ADAMTS12: variants seen among roughly 807,000 people sequenced by gnomAD.
ADAMTS12 encodes the protein ADAM metallopeptidase with thrombospondin type 1 motif 12.
Under a neutral mutation model 167.8 loss-of-function variants are expected in ADAMTS12, and 118 were observed. That is an observed-to-expected ratio of 0.70 (90% CI 0.61 to 0.82). The LOEUF is 0.82. ADAMTS12 is among the 40% of genes least tolerant of loss of function. ADAMTS12 has a pLI of 0.00. For synonymous variants in ADAMTS12, 704 were observed against 716.9 expected (o/e 0.98, Z 0.29); for missense variants, 1,916 against 1,998.8 (o/e 0.96, Z 0.79).
chr5:33,605,536 A>G (rs187600224), intron 16 of ADAMTS12, among the ~76,000 whole-genome samples: 5 of 152,362 alleles, frequency 3.3e-5, no homozygotes. Flanking sequence ...GTGAGGGTAA[A>G]TTCTAGATAG....
At chr5:33,544,187 C>T (rs1561113891) in intron 22 of ADAMTS12, among the ~76,000 whole-genome samples, 1 of 152,104 alleles carries the variant, frequency 6.6e-6, no homozygotes, top group Non-Finnish European at 1.5e-5. Flanking sequence ...AATCAATGTG[C>T]AAAAATCACA....
At chr5:33,718,971 G>C (rs1743709419) in intron 3 of ADAMTS12, among the ~76,000 whole-genome samples, 1 of 152,184 alleles carries the variant, frequency 6.6e-6, no homozygotes, top group Non-Finnish European at 1.5e-5. Context: ...GCAAAAGTAA[G>C]AAAGTCTCTG....
At chr5:33,692,198 A>G (rs1355574303) in intron 3 of ADAMTS12, among the ~76,000 whole-genome samples, 1 of 152,320 alleles carries the variant, frequency 6.6e-6, no homozygotes. Flanking sequence ...ATTCTGACCA[A>G]TAAGACACAA....
chr5:33,569,036 T>TG (rs1278330796), intron 19 of ADAMTS12, among the ~76,000 whole-genome samples: 5 of 152,126 alleles, frequency 3.3e-5, no homozygotes, highest in Admixed American at 1.3e-4. Context: ...GCAGCAAGGC[T>TG]GGGGGAGGGG....
intron 1 of ADAMTS12, among the ~76,000 whole-genome samples, chr5:33,884,515 C>G (rs1315435952): frequency 6.6e-6 from 1 of 152,198 alleles, no homozygotes; most frequent in Non-Finnish European, 1.5e-5. Context: ...AAGCCCATAG[C>G]AAACCCTCAA....
intron 2 of ADAMTS12, among the ~76,000 whole-genome samples, chr5:33,804,260 T>A (rs542673503): frequency 6.6e-6 from 1 of 152,354 alleles, no homozygotes; most frequent in African/African-American, 2.4e-5. Context: ...CCCTTGACTT[T>A]GGGCTCATCT....
At chr5:33,814,793 T>C (rs897826215) in intron 2 of ADAMTS12, among the ~76,000 whole-genome samples, 1 of 152,194 alleles carries the variant, frequency 6.6e-6, no homozygotes, top group African/African-American at 2.4e-5. Flanking sequence ...GTGACAATGA[T>C]AAGTCAACTC....
At chr5:33,696,136 T>A (rs1470057914) in intron 3 of ADAMTS12, among the ~76,000 whole-genome samples, 2 of 152,134 alleles carry the variant, frequency 1.3e-5, no homozygotes, top group African/African-American at 4.8e-5. Context: ...AATTAACAAA[T>A]TATAGCTGGG....
chr5:33,587,448 G>A (rs191752428), intron 18 of ADAMTS12, among the ~76,000 whole-genome samples: 35 of 152,122 alleles, frequency 2.3e-4, no homozygotes, highest in Admixed American at 3.3e-4. Context: ...AGCAATGGTG[G>A]CATTATTGTT....
At chr5:33,814,800 A>C (rs994872478) in intron 2 of ADAMTS12, among the ~76,000 whole-genome samples, 1 of 152,202 alleles carries the variant, frequency 6.6e-6, no homozygotes, top group Admixed American at 6.5e-5. Context: ...TGATAAGTCA[A>C]CTCAGGACTG....
At chr5:33,809,949 G>C (rs955373911) in intron 2 of ADAMTS12, among the ~76,000 whole-genome samples, 1 of 124,234 alleles carries the variant, frequency 8.0e-6, no homozygotes, top group Non-Finnish European at 1.7e-5. Flanking sequence ...TACCAAAGAA[G>C]TAAAAGGCAT....
Position 33,653,295 on chromosome 5 carries a change from G to T in ADAMTS12, c.1191-3598C>A, listed in dbSNP as rs1217409088. ...ATAATCATGTGGTTTCTCTTGTTTAGCCTGTTACAATGGTGGATTATGCTG... is the reference window on the plus strand; with the variant it reads ...ATAATCATGTGGTTTCTCTTGTTTATCCTGTTACAATGGTGGATTATGCTG... On this transcript the variant is annotated intron_variant, in intron 7 of 23. Coordinates refer to ENST00000504830, the MANE Select transcript of ADAMTS12 (RefSeq NM_030955.4). 2.6e-5 allele frequency among the ~76,000 whole-genome samples: 4 copies of T among 152,114 alleles called. No individual in the cohort carries two copies. In the East Asian group the frequency reaches 7.7e-4, roughly 29 times the overall value.
At chr5:33,865,160 CATA>C (rs974870808) in intron 2 of ADAMTS12, among the ~76,000 whole-genome samples, 2 of 151,608 alleles carry the variant, frequency 1.3e-5, no homozygotes, top group African/African-American at 4.8e-5. Context: ...CAGGAAAGGA[CATA>C]ATAATAATAA....
In ADAMTS12 at chr5:33,812,091, G is replaced by A. The variant is rs190645371; in HGVS notation, c.490-60543C>T. ...GCTTGAGCCCAGGAGTTTGAGACTA[G>A]CCTGGGCAATAAAGAAAGACCTCGT... On this transcript the variant is annotated intron_variant, in intron 2 of 23. Transcript: ENST00000504830. Among the ~76,000 whole-genome samples the A allele has an allele frequency of 2.4e-4, 36 of 152,258 alleles. No homozygotes were observed. The East Asian group carries it at 6.2e-3, about 26-fold the overall frequency.
intron 22 of ADAMTS12, among the ~76,000 whole-genome samples, chr5:33,536,737 C>T (rs928600772): frequency 1.3e-5 from 2 of 152,162 alleles, no homozygotes; most frequent in East Asian, 3.9e-4. Context: ...CAAGTCCACC[C>T]CCGATAGACT....
At chr5:33,573,215 C>T (rs201106709) in intron 19 of ADAMTS12, among the ~76,000 whole-genome samples, 339 of 129,710 alleles carry the variant, frequency 2.6e-3, no homozygotes, top group East Asian at 4.1e-3. Flanking sequence ...CATCAAGCTA[C>T]CAATGACTTT....
intron 2 of ADAMTS12, among the ~76,000 whole-genome samples, chr5:33,809,198 T>A (rs1037102): frequency 6.6e-6 from 1 of 151,982 alleles, no homozygotes; most frequent in Admixed American, 6.5e-5. Flanking sequence ...CCTGTTAAAC[T>A]GCAGACCATG....
chr5:33,676,954 G>A (rs1741936166), intron 5 of ADAMTS12, among the ~76,000 whole-genome samples: 1 of 152,076 alleles, frequency 6.6e-6, no homozygotes, highest in African/African-American at 2.4e-5. Context: ...TCCTGCTGCT[G>A]TCAGCCCTAC....
chr5:33,711,129 T>C (rs1743388095), intron 3 of ADAMTS12, among the ~76,000 whole-genome samples: 1 of 152,078 alleles, frequency 6.6e-6, no homozygotes. Flanking sequence ...TATCACCAGC[T>C]CGGGACCTCA....
Sources: gnomAD v4.1 joint callset for allele counts (sites outside exome capture counted in the v4.1 genomes callset) on GRCh38, gnomAD v4.1.1 for gene constraint, MANE v1.5 for transcripts, NCBI Gene and HGNC (gene_info 2026-07-23, HGNC 2026-07-21) for gene names.